ZBTB16: variants seen among roughly 807,000 people sequenced by gnomAD.
ZBTB16 encodes zinc finger and BTB domain-containing protein 16.
Under a neutral mutation model 56.8 loss-of-function variants are expected in ZBTB16, and 8 were observed. The observed-to-expected ratio is 0.14, with a 90% CI of 0.08 to 0.25. ZBTB16 has a LOEUF of 0.25. ZBTB16 is among the 10% of genes least tolerant of loss of function. ZBTB16 has a pLI of 1.00. For synonymous variants in ZBTB16, 363 were observed against 368.5 expected, an observed-to-expected ratio of 0.98 and a Z score of 0.17; for missense variants, 625 against 903.0, an observed-to-expected ratio of 0.69 and a Z score of 3.95.
At chr11:114,240,593 T>C (rs994380927) in intron 4 of ZBTB16, among the ~76,000 whole-genome samples, 4 of 151,902 alleles carry the variant, frequency 2.6e-5, no homozygotes, top group African/African-American at 9.7e-5. Context: ...GACACACAGA[T>C]GGGCCTGCCG....
chr11:114,067,252 T>C (rs1254521779), intron 2 of ZBTB16, among the ~76,000 whole-genome samples: 2 of 152,082 alleles, frequency 1.3e-5, no homozygotes, highest in Non-Finnish European at 2.9e-5. Flanking sequence ...TGAGTTCTAG[T>C]GTGTAGTGTC....
intron 2 of ZBTB16, among the ~76,000 whole-genome samples, chr11:114,122,310 A>G (rs1470671636): frequency 2.0e-5 from 3 of 152,100 alleles, no homozygotes; most frequent in African/African-American, 7.2e-5. Flanking sequence ...TGGCAGATGT[A>G]CCTGTTGGTT....
intron 4 of ZBTB16, among the ~76,000 whole-genome samples, chr11:114,238,107 C>G (rs1021476279): frequency 1.3e-5 from 2 of 152,198 alleles, no homozygotes. Flanking sequence ...TTGCGTGCCA[C>G]TCCTCCCTTG....
chr11:114,233,577 C>T (rs899857581), intron 4 of ZBTB16, among the ~76,000 whole-genome samples: 18 of 152,096 alleles, frequency 1.2e-4, no homozygotes, highest in African/African-American at 4.3e-4. Context: ...CGTTTATTCT[C>T]TCTCTCCTTG....
In ZBTB16 at chr11:114,251,118, G is replaced by GCTGCTTTCCT. The variant is rs891015564; in HGVS notation, c.*571_*580dup. Among the ~76,000 whole-genome samples, 3 of 152,158 alleles carry GCTGCTTTCCT rather than the reference G, an allele frequency of 2.0e-5. No homozygotes were observed. Among genetic ancestry groups the GCTGCTTTCCT allele is most frequent in the Admixed American group, 2.0e-4 (3 of 15,276 alleles). The stretch of plus-strand genomic sequence containing the variant: ...TCTCTTCCCACCACTCAGCCCACCT[G>GCTGCTTTCCT]CTGCTTTCCTCTGCTTTGCCACATC... On this transcript the variant is annotated 3_prime_UTR_variant, in exon 7 of 7. Coordinates refer to ENST00000335953, the MANE Select transcript of ZBTB16 (RefSeq NM_006006.6).
chr11:114,081,024 C>T (rs1224216393), intron 2 of ZBTB16, among the ~76,000 whole-genome samples: 1 of 152,184 alleles, frequency 6.6e-6, no homozygotes, highest in Non-Finnish European at 1.5e-5. Context: ...CAGAGAGGTT[C>T]TGTGATTTTC....
intron 2 of ZBTB16, among the ~76,000 whole-genome samples, chr11:114,120,709 G>T (rs559205810): frequency 1.3e-5 from 2 of 152,284 alleles, no homozygotes; most frequent in Non-Finnish European, 2.9e-5. Context: ...CTGAATACAG[G>T]GTCTAAAGGG....
chr11:114,167,232 G>T (rs10564436), intron 3 of ZBTB16, among the ~76,000 whole-genome samples: 1,337 of 88,590 alleles, frequency 0.015, 128 homozygotes, highest in East Asian at 0.038. Context: ...TTTTTTTTTG[G>T]TTTTTTTTTT....
chr11:114,253,471 G>A lies in ZBTB16; in HGVS notation c.*2916G>A, dbSNP rs906262705. On this transcript the variant is annotated 3_prime_UTR_variant, in exon 7 of 7. Transcript: ENST00000335953. ...TTTGTACATGTATGTGCGTGTGCGC[G>A]TGTGCTTTGTGTGTGTGGTTGTGTG... is the stretch of plus-strand genomic sequence containing the variant. 2.0e-5 allele frequency among the ~76,000 whole-genome samples: 3 copies of A among 152,200 alleles called. No individual in the cohort carries two copies. The highest frequency in any genetic ancestry group is 2.9e-5 in the Non-Finnish European group (2 of 68,044).
At position 114,251,182 on chromosome 11, in the gene ZBTB16, C is replaced by T. The variant is rs993744011; in HGVS notation, c.*627C>T. ...GTGGTCTCTGAGAGCCTCAGGACCC[C>T]TGCCCCTCCTCCAGCTCTTTGTTCC... On this transcript the variant is annotated 3_prime_UTR_variant, in exon 7 of 7. Transcript: ENST00000335953. 1.3e-5 allele frequency among the ~76,000 whole-genome samples: 2 copies of T among 152,174 alleles called. No homozygotes were observed. Among genetic ancestry groups the T allele is most frequent in the African/African-American group, 2.4e-5 (1 of 41,440 alleles).
chr11:114,215,666 C>G (rs1223328655), intron 4 of ZBTB16, among the ~76,000 whole-genome samples: 1 of 152,178 alleles, frequency 6.6e-6, no homozygotes, highest in Non-Finnish European at 1.5e-5. Context: ...AAAGATGTTC[C>G]TAAGAGAGAC....
At chr11:114,188,071 A>G (rs1188812869) in intron 4 of ZBTB16, 1 of 153,526 alleles carries the variant, frequency 6.5e-6, no homozygotes, top group Non-Finnish European at 1.4e-5. Flanking sequence ...TTATAATGTA[A>G]TAATAGAAAT....
intron 4 of ZBTB16, among the ~76,000 whole-genome samples, chr11:114,210,227 G>C (rs2135128102): frequency 6.6e-6 from 1 of 151,378 alleles, no homozygotes; most frequent in South Asian, 2.1e-4. Context: ...TGAGTGTCGG[G>C]TTCCCAAGCA....
At chr11:114,206,886 CTCTG>C (rs1404783717) in intron 4 of ZBTB16, among the ~76,000 whole-genome samples, 2 of 152,206 alleles carry the variant, frequency 1.3e-5, no homozygotes. Flanking sequence ...CATGTTACTT[CTCTG>C]TCTGATCTCT....
At chr11:114,069,744 T>C (rs1939259144) in intron 2 of ZBTB16, among the ~76,000 whole-genome samples, 2 of 152,236 alleles carry the variant, frequency 1.3e-5, no homozygotes, top group Non-Finnish European at 2.9e-5. Context: ...AGAATAATGA[T>C]AGCCACAGCA....
At chr11:114,148,378 T>TTCCTTCCTTCCTTCC (rs1565651573) in intron 2 of ZBTB16, among the ~76,000 whole-genome samples, 10 of 141,086 alleles carry the variant, frequency 7.1e-5, no homozygotes, top group African/African-American at 2.5e-4. Flanking sequence ...CCTTCCTTCC[T>TTCCTTCCTTCCTTCC]TCCTTCCTTC....
At chr11:114,133,208 C>T (rs1035450764) in intron 2 of ZBTB16, among the ~76,000 whole-genome samples, 13 of 151,994 alleles carry the variant, frequency 8.6e-5, no homozygotes, top group African/African-American at 1.4e-4. Context: ...TCTTGGTGGA[C>T]GGGTCCATTT....
intron 4 of ZBTB16, among the ~76,000 whole-genome samples, chr11:114,225,450 T>C (rs1455884644): frequency 1.3e-5 from 2 of 152,134 alleles, no homozygotes; most frequent in Non-Finnish European, 2.9e-5. Flanking sequence ...TGGTTCACAG[T>C]TTTGAAGGCT....
At chr11:114,073,547 T>A (rs1454687631) in intron 2 of ZBTB16, among the ~76,000 whole-genome samples, 1 of 152,180 alleles carries the variant, frequency 6.6e-6, no homozygotes, top group East Asian at 1.9e-4. Context: ...TACTTTATTG[T>A]CAGCATGGAA....
Sources: gnomAD v4.1 joint callset for allele counts (sites outside exome capture counted in the v4.1 genomes callset) on GRCh38, gnomAD v4.1.1 for gene constraint, MANE v1.5 for transcripts, NCBI Gene and HGNC (gene_info 2026-07-23, HGNC 2026-07-21) for gene names.